Variants in KIRREL3 observed in about 807,000 individuals in gnomAD.
KIRREL3 encodes kin of IRRE-like protein 3.
In KIRREL3, 36 loss-of-function variants were observed where a neutral mutation model predicts 89.7. That is an observed-to-expected ratio of 0.40 (90% CI 0.31 to 0.53). The LOEUF is 0.53. KIRREL3 is among the 20% of genes least tolerant of loss of function. The pLI, the probability that KIRREL3 is intolerant of heterozygous loss-of-function variation, is 0.49. For synonymous variants in KIRREL3, 445 were observed against 441.4 expected, an observed-to-expected ratio of 1.01 and a Z score of -0.10; for missense variants, 864 against 1,056.6, an observed-to-expected ratio of 0.82 and a Z score of 2.53.
intron 1 of KIRREL3, among the ~76,000 whole-genome samples, chr11:126,840,250 G>T (rs1943919083): frequency 6.6e-6 from 1 of 152,126 alleles, no homozygotes; most frequent in African/African-American, 2.4e-5. Flanking sequence ...CGGACTAGTT[G>T]CTTGTTGGTT....
chr11:126,916,378 G>A (rs557809451), intron 1 of KIRREL3, among the ~76,000 whole-genome samples: 3 of 152,258 alleles, frequency 2.0e-5, no homozygotes, highest in Non-Finnish European at 2.9e-5. Context: ...ACTTCTGTAG[G>A]CCAAGGGTGG....
rs913029332 is a variant in KIRREL3 at position 126,562,752 on chromosome 11, C to T, written c.133+83G>A. ...TTCTGAGAGGTCCCAGGTTCTTATT[C>T]CTGGTTCCTCTGTCCTGTGGCTGTA... is the stretch of plus-strand genomic sequence containing the variant. On this transcript the variant is annotated intron_variant, in intron 2 of 16. Transcript: ENST00000525144. This position sits in a 1 kb window ranked among gnomAD's most constrained non-coding sequence, Gnocchi z 4.7. 1.7e-6 allele frequency: 2 copies of T among 1,198,632 alleles called. No homozygotes were observed. The highest frequency in any genetic ancestry group is 2.5e-6 in the Non-Finnish European group (2 of 814,226). 74.2% of individuals were successfully genotyped at this position (1,198,632 alleles called of 1,614,324 possible).
At chr11:126,567,134 C>T (rs117476699) in intron 1 of KIRREL3, among the ~76,000 whole-genome samples, 182 of 152,316 alleles carry the variant, frequency 1.2e-3, no homozygotes, top group Middle Eastern at 0.01. Flanking sequence ...CCCTCCTGCA[C>T]CAAATTCGTA....
rs1469413562 is a variant in KIRREL3 at position 126,423,844 on chromosome 11, G to GGTGCTCCGTCAGCAC, written c.*721_*735dup. ...AGCCCAGGAGGGGCACACCCGGCGA[G>GGTGCTCCGTCAGCAC]GTGCTCCGTCAGCACAGGCTCCCTC... is the stretch of plus-strand genomic sequence containing the variant. On this transcript the variant is annotated 3_prime_UTR_variant, in exon 17 of 17. Coordinates refer to ENST00000525144, the MANE Select transcript of KIRREL3 (RefSeq NM_032531.4). The GGTGCTCCGTCAGCAC allele has an allele frequency of 6.5e-6, 1 of 152,850 alleles. No individual in the cohort carries two copies. The highest frequency in any genetic ancestry group is 6.5e-5 in the Admixed American group (1 of 15,308). The allele number at this position is 152,850 out of a possible 1,614,324, so 9.5% of individuals were successfully genotyped here.
chr11:126,588,400 C>CA (rs11480288), intron 1 of KIRREL3, among the ~76,000 whole-genome samples: 63,687 of 152,040 alleles, frequency 0.42, 13,944 homozygotes, highest in East Asian at 0.58. Context: ...TTGCAAAATG[C>CA]AAGTTACCTG....
Position 126,475,045 on chromosome 11 carries a change from C to G in KIRREL3, c.434-1579G>C, listed in dbSNP as rs915712414. ...CCAGCTCTGGAGGCTGAGAGAGGCC[C>G]AGGGCCTCTGGACACATCAAGACGT... On this transcript the variant is annotated intron_variant, in intron 4 of 16. Coordinates refer to ENST00000525144, the MANE Select transcript of KIRREL3 (RefSeq NM_032531.4). This position sits in a 1 kb window ranked among gnomAD's most constrained non-coding sequence, Gnocchi z 7.5. Among the ~76,000 whole-genome samples the G allele has an allele frequency of 6.6e-6, 1 of 152,198 alleles. No homozygotes were observed. The highest frequency in any genetic ancestry group is 1.5e-5 in the Non-Finnish European group (1 of 68,032).
intron 1 of KIRREL3, among the ~76,000 whole-genome samples, chr11:126,785,733 G>T (rs967446597): frequency 1.3e-5 from 2 of 151,892 alleles, no homozygotes; most frequent in Admixed American, 1.3e-4. Context: ...ATTTAGCAGG[G>T]CATGGTGGTG....
chr11:126,597,259 C>T (rs1481304973), intron 1 of KIRREL3, among the ~76,000 whole-genome samples: 3 of 152,238 alleles, frequency 2.0e-5, no homozygotes, highest in Non-Finnish European at 2.9e-5. Flanking sequence ...GCCTGTCACT[C>T]TGCAGCTCCG....
At chr11:126,480,906 A>G (rs1018948225) in intron 4 of KIRREL3, among the ~76,000 whole-genome samples, 1 of 152,210 alleles carries the variant, frequency 6.6e-6, no homozygotes, top group Non-Finnish European at 1.5e-5. Flanking sequence ...TTCCTCACGT[A>G]TACAGATGCG....
intron 1 of KIRREL3, among the ~76,000 whole-genome samples, chr11:126,597,772 T>C (rs484820): frequency 0.32 from 48,903 of 152,118 alleles, 8,092 homozygotes; most frequent in Admixed American, 0.45. Flanking sequence ...TGTGGCAACT[T>C]ACCCCTGATG....
chr11:126,691,052 A>G (rs1591967552), intron 1 of KIRREL3, among the ~76,000 whole-genome samples: 1 of 152,238 alleles, frequency 6.6e-6, no homozygotes, highest in Non-Finnish European at 1.5e-5. Flanking sequence ...GGGATGTTCA[A>G]CCTCATTAAT....
intron 1 of KIRREL3, among the ~76,000 whole-genome samples, chr11:126,813,481 A>G (rs1951457935): frequency 6.6e-6 from 1 of 152,164 alleles, no homozygotes; most frequent in Non-Finnish European, 1.5e-5. Flanking sequence ...AATATTCTGG[A>G]CCAAAATATT....
Position 126,435,258 on chromosome 11 carries a change from C to T in KIRREL3, c.1588+10G>A. 6.2e-7 allele frequency: 1 copy of T among 1,613,792 alleles called. No individual in the cohort carries two copies. The highest frequency in any genetic ancestry group is 8.5e-7 in the Non-Finnish European group (1 of 1,179,798). On this transcript the variant is annotated intron_variant, in intron 13 of 16. Transcript: ENST00000525144. ...CTTCCCAGGGCCATTCTCATCATCT[C>T]CTTCCGTACCTGCTTCCAGCCCGGC...
chr11:126,815,247 A>T (rs565563227), intron 1 of KIRREL3, among the ~76,000 whole-genome samples: 1 of 152,272 alleles, frequency 6.6e-6, no homozygotes, highest in South Asian at 2.1e-4. Flanking sequence ...TGAGTTAAGG[A>T]TGGGGGCATC....
At position 126,814,820 on chromosome 11, in the gene KIRREL3, G is replaced by A. The variant is rs962603324; in HGVS notation, c.55+185635C>T. 2.6e-5 allele frequency among the ~76,000 whole-genome samples: 4 copies of A among 152,158 alleles called. No individual in the cohort carries two copies. Among genetic ancestry groups the A allele is most frequent in the Non-Finnish European group, 5.9e-5 (4 of 68,032 alleles). On this transcript the variant is annotated intron_variant, in intron 1 of 16. Coordinates refer to ENST00000525144, the MANE Select transcript of KIRREL3 (RefSeq NM_032531.4). This position sits in a 1 kb window ranked among gnomAD's most constrained non-coding sequence, Gnocchi z 4.4. ...CTAGGAAGAATAGCTAATGGATGCT[G>A]GGCTTAATACCTGGGTGATGGTGGT...
chr11:126,957,781 G>A (rs189372113), intron 1 of KIRREL3, among the ~76,000 whole-genome samples: 21 of 152,342 alleles, frequency 1.4e-4, no homozygotes, highest in East Asian at 7.7e-4. Flanking sequence ...AGGCATAGGC[G>A]GAGAACCAGA....
intron 1 of KIRREL3, among the ~76,000 whole-genome samples, chr11:126,899,594 C>T (rs995187050): frequency 6.6e-6 from 1 of 152,200 alleles, no homozygotes; most frequent in African/African-American, 2.4e-5. Context: ...ACCACTCAAC[C>T]TTTGAAAGGC....
In KIRREL3 at chr11:126,553,265, A is replaced by ATT. The variant is rs35431105; in HGVS notation, c.133+9568_133+9569dup. On this transcript the variant is annotated intron_variant, in intron 2 of 16. Transcript: ENST00000525144. This position sits in a 1 kb window ranked among gnomAD's most constrained non-coding sequence, Gnocchi z 4.7. ...AAATGCATACAATATCTTCTGTTCC[A>ATT]TTTTTTTTTAAATGACACTCTGAGC... Among the ~76,000 whole-genome samples the ATT allele has an allele frequency of 5.3e-5, 8 of 151,188 alleles. No homozygotes were observed. The highest frequency in any genetic ancestry group is 8.9e-5 in the Non-Finnish European group (6 of 67,778).
chr11:126,770,376 C>G (rs1454135062), intron 1 of KIRREL3, among the ~76,000 whole-genome samples: 1 of 152,210 alleles, frequency 6.6e-6, no homozygotes, highest in African/African-American at 2.4e-5. Flanking sequence ...AGTCACTGTT[C>G]CTGTCACTAC....
Sources: allele counts gnomAD v4.1 joint callset (sites outside exome capture counted in the v4.1 genomes callset), GRCh38; gene constraint gnomAD v4.1.1; non-coding constraint Gnocchi (gnomAD v3.1); transcripts MANE v1.5; gene names NCBI Gene and HGNC (gene_info 2026-07-23, HGNC 2026-07-21).